MYLIP: variants seen among roughly 807,000 people sequenced by gnomAD.
MYLIP encodes myosin regulatory light chain interacting protein, also known as E3 ubiquitin-protein ligase MYLIP.
MYLIP carries 26 observed loss-of-function variants against 45.8 expected under a neutral mutation model. The ratio of observed to expected loss-of-function variants is 0.57; its 90% CI spans 0.42 to 0.79. MYLIP has a LOEUF of 0.79. Ranked by LOEUF, MYLIP falls within the 30% of genes least tolerant of loss-of-function variation. The pLI, the probability that MYLIP is intolerant of heterozygous loss-of-function variation, is 0.00. For missense variants in MYLIP, 494 were observed against 555.6 expected (o/e 0.89, Z 1.11); for synonymous variants, 213 against 218.1 (o/e 0.98, Z 0.21).
intron 2 of MYLIP, among the ~76,000 whole-genome samples, chr6:16,139,998 C>G (rs1000773486): frequency 1.3e-5 from 2 of 152,186 alleles, no homozygotes; most frequent in Non-Finnish European, 2.9e-5. Flanking sequence ...ATTGTAGACT[C>G]TCAGTATAGC....
the MYLIP span, among the ~76,000 whole-genome samples, chr6:16,159,708 C>A: frequency 6.6e-6 from 1 of 152,128 alleles, no homozygotes; most frequent in Non-Finnish European, 1.5e-5. Context: ...ACTCAGCCTT[C>A]CTCTTTGGAA....
downstream of MYLIP, among the ~76,000 whole-genome samples, chr6:16,152,497 C>A (rs1007437028): frequency 6.6e-6 from 1 of 152,110 alleles, no homozygotes; most frequent in South Asian, 2.1e-4. Flanking sequence ...TGCTGCCAAA[C>A]CTCCTAAAAT....
chr6:16,145,077 G>A lies in MYLIP; in HGVS notation c.1008G>A (p.Val336=), dbSNP rs926204706. ...GGGCTCTGTACAATGCTGGCGTTGT[G>A]GACCTCGTTTCAAGAAACAACCAGA... ...ARRALYNAGV[V]DLVSRNNQSP... The change falls in exon 6 of 7, where the codon GTG becomes GTA. Residue 336 remains valine, a synonymous_variant. Coordinates refer to ENST00000356840, the MANE Select transcript of MYLIP (RefSeq NM_013262.4). 3 of 1,614,200 alleles carry A rather than the reference G, an allele frequency of 1.9e-6. No individual in the cohort carries two copies. The highest frequency in any genetic ancestry group is 8.5e-7 in the Non-Finnish European group (1 of 1,180,028).
chr6:16,141,400 A>C (rs1424701597), intron 2 of MYLIP, among the ~76,000 whole-genome samples: 1 of 152,224 alleles, frequency 6.6e-6, no homozygotes, highest in East Asian at 1.9e-4. Context: ...TGTGTTAAAT[A>C]AGTTTATCTT....
downstream of MYLIP, among the ~76,000 whole-genome samples, chr6:16,151,167 G>C (rs1759873907): frequency 6.6e-6 from 1 of 151,536 alleles, no homozygotes; most frequent in South Asian, 2.1e-4. Flanking sequence ...GGCTAACACA[G>C]TGAAACCCCA....
At chr6:16,151,460 G>A (rs535664273), downstream of MYLIP, among the ~76,000 whole-genome samples, 58 of 152,312 alleles carry the variant, frequency 3.8e-4, no homozygotes, top group African/African-American at 1.3e-3. Context: ...TGTTTGGAGA[G>A]CCTAAAATAA....
At chr6:16,162,072 T>C in the MYLIP span, among the ~76,000 whole-genome samples, 2 of 152,368 alleles carry the variant, frequency 1.3e-5, no homozygotes, top group East Asian at 3.9e-4. Flanking sequence ...TCCTGAATAA[T>C]TGATTTTTTG....
At chr6:16,143,916 G>T (rs1759731824) in intron 5 of MYLIP, 53 bp downstream of exon 5, 8 of 1,566,944 alleles carry the variant, frequency 5.1e-6, no homozygotes, top group African/African-American at 1.4e-5. Context: ...CAGGTTTTTA[G>T]GTGACAACCA....
chr6:16,147,010 G>C lies in MYLIP; in HGVS notation c.*259G>C. 3.0e-6 allele frequency: 1 copy of C among 334,734 alleles called. No homozygotes were observed. The highest frequency in any genetic ancestry group is 5.7e-6 in the Non-Finnish European group (1 of 174,994). The allele number at this position is 334,734 out of a possible 1,614,324, so 20.7% of individuals were successfully genotyped here. ...TTCCTTGGATGTTGATTTTTTTTAT[G>C]ATCTAGTAAAGGAATAGGTAAAGTC... On this transcript the variant is annotated 3_prime_UTR_variant, in exon 7 of 7. Coordinates refer to ENST00000356840, the MANE Select transcript of MYLIP (RefSeq NM_013262.4).
chr6:16,139,367 G>A (rs1405043682), intron 2 of MYLIP, among the ~76,000 whole-genome samples: 157 of 147,608 alleles, frequency 1.1e-3, no homozygotes, highest in African/African-American at 3.6e-3. Context: ...CAGCCTGGGC[G>A]ACAGAGCAAG....
chr6:16,146,520 C>T, intron 6 of MYLIP, 142 bp from the exon 7 acceptor site: 1 of 642,318 alleles, frequency 1.6e-6, no homozygotes, highest in Non-Finnish European at 2.8e-6. Flanking sequence ...GCAAAGATCT[C>T]TACCAATTGA....
chr6:16,162,408 A>G, the MYLIP span, among the ~76,000 whole-genome samples: 1 of 152,190 alleles, frequency 6.6e-6, no homozygotes, highest in Non-Finnish European at 1.5e-5. Context: ...CCTAGGAGTA[A>G]GAAATGGCTT....
chr6:16,131,783 T>C (rs1450003614), intron 2 of MYLIP, among the ~76,000 whole-genome samples: 1 of 152,212 alleles, frequency 6.6e-6, no homozygotes, highest in Non-Finnish European at 1.5e-5. Context: ...AAAGACTCAT[T>C]TTGAAATACT....
At chr6:16,135,013 G>A (rs1054074092) in intron 2 of MYLIP, among the ~76,000 whole-genome samples, 3 of 152,188 alleles carry the variant, frequency 2.0e-5, no homozygotes, top group Non-Finnish European at 4.4e-5. Flanking sequence ...CCAGTGTTGA[G>A]CAGCTGTAGG....
At chr6:16,134,988 T>C (rs1759521985) in intron 2 of MYLIP, among the ~76,000 whole-genome samples, 1 of 152,072 alleles carries the variant, frequency 6.6e-6, no homozygotes, top group South Asian at 2.1e-4. Context: ...GCACCTAGGG[T>C]CAGACTCAAG....
At chr6:16,136,898 T>TGG (rs1290401911) in intron 2 of MYLIP, among the ~76,000 whole-genome samples, 3 of 152,258 alleles carry the variant, frequency 2.0e-5, no homozygotes, top group Non-Finnish European at 4.4e-5. Context: ...CTTTTATTTT[T>TGG]GAGTTGTACA....
At chr6:16,131,089 A>G (rs926964371) in intron 2 of MYLIP, among the ~76,000 whole-genome samples, 1 of 151,582 alleles carries the variant, frequency 6.6e-6, no homozygotes, top group African/African-American at 2.4e-5. Context: ...TGATAGCAGC[A>G]TCTAATGCCC....
chr6:16,135,656 A>G (rs962730044), intron 2 of MYLIP, among the ~76,000 whole-genome samples: 1 of 151,376 alleles, frequency 6.6e-6, no homozygotes, highest in African/African-American at 2.4e-5. Context: ...TTACTTCCTT[A>G]ACTTATGAAA....
At chr6:16,150,593 C>A (rs1015873613), downstream of MYLIP, among the ~76,000 whole-genome samples, 2 of 151,984 alleles carry the variant, frequency 1.3e-5, no homozygotes, top group Non-Finnish European at 2.9e-5. Context: ...ACTCGGAGGC[C>A]GGGAGGCGAG....
Sources: gnomAD v4.1 joint callset for allele counts (sites outside exome capture counted in the v4.1 genomes callset) on GRCh38, gnomAD v4.1.1 for gene constraint, MANE v1.5 for transcripts, NCBI Gene and HGNC (gene_info 2026-07-23, HGNC 2026-07-21) for gene names.